The following GRM5 variants were observed in gnomAD, a reference collection of about 807,000 sequenced individuals.
GRM5 encodes metabotropic glutamate receptor 5.
Under a neutral mutation model 83.1 loss-of-function variants are expected in GRM5, and 19 were observed. The observed-to-expected ratio is 0.23, with a 90% CI of 0.16 to 0.34. The LOEUF is 0.34. GRM5 is among the 10% of genes least tolerant of loss of function. The probability of loss-of-function intolerance (pLI) is 1.00; values close to 1 mark genes in which losing one functional copy is unlikely to be tolerated. For synonymous variants in GRM5, 675 were observed against 633.6 expected (o/e 1.07, Z -0.98); for missense variants, 1,160 against 1,588.3 (o/e 0.73, Z 4.58).
chr11:89,025,888 T>C (rs1466416678), intron 2 of GRM5, among the ~76,000 whole-genome samples: 1 of 152,218 alleles, frequency 6.6e-6, no homozygotes, highest in East Asian at 1.9e-4. Flanking sequence ...CATGCATATG[T>C]TCCTCACAGC....
chr11:89,050,395 T>A (rs12803333), intron 1 of GRM5, among the ~76,000 whole-genome samples: 1 of 152,188 alleles, frequency 6.6e-6, no homozygotes, highest in African/African-American at 2.4e-5. Flanking sequence ...AATATTCAAG[T>A]ATGAGCAAAA....
rs548471641 is a variant in GRM5 at position 88,818,991 on chromosome 11, T to C, written c.911+30915A>G. 2.0e-5 allele frequency among the ~76,000 whole-genome samples: 3 copies of C among 152,302 alleles called. No individual in the cohort carries two copies. In the East Asian group the frequency reaches 5.8e-4, roughly 29 times the overall value. On this transcript the variant is annotated intron_variant, in intron 3 of 9. Coordinates refer to ENST00000305447, the MANE Select transcript of GRM5 (RefSeq NM_001143831.3). ...TGTCCAGTTTTTCCATCAGAAAGGA[T>C]TTTTTTCCTTCCAATTCTTATTCTA...
At chr11:88,673,438 G>A (rs1427964908) in intron 3 of GRM5, among the ~76,000 whole-genome samples, 1 of 151,848 alleles carries the variant, frequency 6.6e-6, no homozygotes, top group Non-Finnish European at 1.5e-5. Context: ...TGTTAACTTT[G>A]AAACGCTTGT....
At chr11:88,807,564 G>A (rs931763479) in intron 3 of GRM5, among the ~76,000 whole-genome samples, 2 of 152,070 alleles carry the variant, frequency 1.3e-5, no homozygotes, top group Non-Finnish European at 2.9e-5. Context: ...CACTTGGTAA[G>A]CACTTACTGC....
At chr11:88,836,447 G>A (rs1243350298) in intron 3 of GRM5, among the ~76,000 whole-genome samples, 3 of 152,154 alleles carry the variant, frequency 2.0e-5, no homozygotes, top group African/African-American at 4.8e-5. Context: ...CTGTGTGTGT[G>A]TGTATATATA....
At chr11:88,938,139 A>G (rs546607874) in intron 2 of GRM5, among the ~76,000 whole-genome samples, 3 of 151,840 alleles carry the variant, frequency 2.0e-5, no homozygotes, top group African/African-American at 7.2e-5. Flanking sequence ...ACATATATCA[A>G]TATATCAAAA....
At chr11:88,885,450 GTTTTTTTTTTTTTTT>G (rs61456975) in intron 2 of GRM5, among the ~76,000 whole-genome samples, 2 of 62,666 alleles carry the variant, frequency 3.2e-5, no homozygotes, top group African/African-American at 5.9e-5. Flanking sequence ...TAGGTACCAT[GTTTTTTTTTTTTTTT>G]TTTTTTTTTT....
At chr11:88,917,384 A>G (rs1945613195) in intron 2 of GRM5, among the ~76,000 whole-genome samples, 1 of 152,162 alleles carries the variant, frequency 6.6e-6, no homozygotes, top group Non-Finnish European at 1.5e-5. Flanking sequence ...GGTATAAATA[A>G]GCTCAGACTG....
chr11:88,638,851 G>A (rs758331734), intron 4 of GRM5, among the ~76,000 whole-genome samples: 4 of 151,078 alleles, frequency 2.6e-5, no homozygotes, highest in African/African-American at 4.9e-5. Context: ...AATTTGTATT[G>A]TTTCTCTTTT....
chr11:88,957,100 G>T (rs1367499105), intron 2 of GRM5, among the ~76,000 whole-genome samples: 1 of 152,216 alleles, frequency 6.6e-6, no homozygotes, highest in East Asian at 1.9e-4. Context: ...GAAAGGATGG[G>T]ACCTCATTCT....
chr11:88,862,636 C>T (rs373378227), intron 2 of GRM5, among the ~76,000 whole-genome samples: 109 of 152,084 alleles, frequency 7.2e-4, no homozygotes, highest in Middle Eastern at 3.4e-3. Context: ...ATTGTATCTA[C>T]AGGGAAGATT....
At chr11:88,994,951 A>G (rs1486811443) in intron 2 of GRM5, among the ~76,000 whole-genome samples, 2 of 152,176 alleles carry the variant, frequency 1.3e-5, no homozygotes, top group African/African-American at 4.8e-5. Flanking sequence ...CCATAACCAT[A>G]ACTAAAATGA....
intron 3 of GRM5, among the ~76,000 whole-genome samples, chr11:88,710,537 A>C (rs1490562557): frequency 6.6e-6 from 1 of 152,152 alleles, no homozygotes; most frequent in Non-Finnish European, 1.5e-5. Flanking sequence ...CCACTCCCAC[A>C]GAATATGTGT....
intron 7 of GRM5, among the ~76,000 whole-genome samples, chr11:88,582,482 T>G (rs1449464613): frequency 6.6e-6 from 1 of 152,230 alleles, no homozygotes; most frequent in Non-Finnish European, 1.5e-5. Context: ...GAATGATAGA[T>G]AGCCAGCTGT....
At chr11:88,969,192 A>T (rs1269814256) in intron 2 of GRM5, among the ~76,000 whole-genome samples, 1 of 152,030 alleles carries the variant, frequency 6.6e-6, no homozygotes, top group Non-Finnish European at 1.5e-5. Flanking sequence ...CTAAGAGATG[A>T]CCTAAAACAC....
rs561774370 is a variant in GRM5, at chr11:88,645,732, G to A, written c.1147+7436C>T. ...CTGTTATCAAAAACATTAGATAGGG[G>A]GATTTTAATATTTAAGGTGAGGGAC... On this transcript the variant is annotated intron_variant, in intron 4 of 9. Coordinates refer to ENST00000305447, the MANE Select transcript of GRM5 (RefSeq NM_001143831.3). Among the ~76,000 whole-genome samples, 14 of 151,984 alleles carry A rather than the reference G, an allele frequency of 9.2e-5. 1 individual carries two copies. In the South Asian group the frequency reaches 2.7e-3, roughly 29 times the overall value.
At chr11:88,842,165 G>A (rs1325062265) in intron 3 of GRM5, among the ~76,000 whole-genome samples, 2 of 152,024 alleles carry the variant, frequency 1.3e-5, no homozygotes, top group African/African-American at 4.8e-5. Flanking sequence ...AATAGTATAT[G>A]TAAATATTAC....
chr11:88,719,875 C>G (rs1201914407), intron 3 of GRM5, among the ~76,000 whole-genome samples: 2 of 152,044 alleles, frequency 1.3e-5, no homozygotes, highest in South Asian at 4.1e-4. Flanking sequence ...TTGAAAAATG[C>G]CTGTTCATGT....
intron 8 of GRM5, among the ~76,000 whole-genome samples, chr11:88,556,157 A>G (rs1471950949): frequency 2.6e-5 from 4 of 152,212 alleles, no homozygotes; most frequent in South Asian, 2.1e-4. Flanking sequence ...GGATTCCTGA[A>G]GTCAAATATT....
Sources: allele counts gnomAD v4.1 joint callset (sites outside exome capture counted in the v4.1 genomes callset), GRCh38; gene constraint gnomAD v4.1.1; transcripts MANE v1.5; gene names NCBI Gene and HGNC (gene_info 2026-07-23, HGNC 2026-07-21).